The following CELSR3 variants were observed in gnomAD, a reference collection of about 807,000 sequenced individuals.
CELSR3 encodes EGF-like protein 1.
Under a neutral mutation model 270.0 loss-of-function variants are expected in CELSR3, and 73 were observed. The ratio of observed to expected loss-of-function variants is 0.27; its 90% CI spans 0.22 to 0.33. The LOEUF (loss-of-function observed/expected upper bound fraction) is 0.33. Ranked by LOEUF, CELSR3 falls within the 10% of genes least tolerant of loss-of-function variation. The probability of loss-of-function intolerance (pLI) is 1.00; values close to 1 mark genes in which losing one functional copy is unlikely to be tolerated. For synonymous variants in CELSR3, 1,780 were observed against 1,905.4 expected (o/e 0.93, Z 1.71); for missense variants, 3,614 against 4,533.8 (o/e 0.80, Z 5.83).
chr3:48,655,773 T>G lies in CELSR3; in HGVS notation c.4704A>C (p.Glu1568Asp). Residue 1568 changes from glutamate to aspartate, a missense_variant, in exon 4 of 35, where the codon GAA becomes GAC. By Grantham distance (45) the Glu-to-Asp change is conservative. This residue lies in a region of CELSR3 where 1,331 missense variants were observed against 1,933.7 expected (regional missense o/e 0.69). Transcript: ENST00000164024. The surrounding 1 kb of genome is among the most constrained non-coding windows in gnomAD (Gnocchi z 5.8). ...TGAGCCGCACTTGGCCAGCCACGAG[T>G]TCCAGGGCCAGGAAGTCGTGCTTCT... is the stretch of plus-strand genomic sequence containing the variant. The part of the protein sequence containing the change: ...LNEKHDFLAL[E>D]LVAGQVRLTY... 6.2e-7 allele frequency: 1 copy of G among 1,612,634 alleles called. No homozygotes were observed. The highest frequency in any genetic ancestry group is 8.5e-7 in the Non-Finnish European group (1 of 1,179,492).
chr3:48,638,684 C>T (rs1257948616), intron 34 of CELSR3, among the ~76,000 whole-genome samples: 2 of 152,038 alleles, frequency 1.3e-5, no homozygotes, highest in Non-Finnish European at 2.9e-5. Context: ...CTGCTCAGTC[C>T]CTAGTCTACC....
rs2047055661 is a variant in CELSR3 at position 48,644,094 on chromosome 3, T to A, written c.8165+122A>T. On this transcript the variant is annotated intron_variant, in intron 27 of 34. Transcript: ENST00000164024. This position sits in a 1 kb window ranked among gnomAD's most constrained non-coding sequence, Gnocchi z 4.8. ...GACCACAGGTCAGGGCAGGTGTGAC[T>A]TCATTCCTTCATCTAGAACTTGGAG... 3 of 777,498 alleles carry A rather than the reference T, an allele frequency of 3.9e-6. No individual in the cohort carries two copies. In the South Asian group the frequency reaches 5.1e-5, roughly 13 times the overall value. 48.2% of individuals were successfully genotyped at this position (777,498 alleles called of 1,614,324 possible).
In CELSR3 at chr3:48,643,677, C is replaced by A; in HGVS notation, c.8166G>T (p.Leu2722=). The A allele has an allele frequency of 1.3e-6, 2 of 1,552,402 alleles. No individual in the cohort carries two copies. Among genetic ancestry groups the A allele is most frequent in the South Asian group, 1.2e-5 (1 of 84,092 alleles). The change falls in exon 28 of 35, where the codon CTG becomes CTT. Residue 2722 remains leucine (L), a splice_region_variant and synonymous_variant. Coordinates refer to ENST00000164024, the MANE Select transcript of CELSR3 (RefSeq NM_001407.3). ...GCAGCAGGAAGGAGCTGCGAAGGGT[C>A]CTGCTGTGGGGACATGGGAAGACAC... The part of the protein sequence containing the change: ...GQREAKKTSA[L]TLRSSFLLLL...
In CELSR3 at chr3:48,659,047, T is replaced by C; in HGVS notation, c.3588A>G (p.Pro1196=). ...GGTCGGAGACATCGGGGTCATAAGCTGGGATGCGCCCAATAATGCCCGACG... is the reference window on the plus strand; with the variant it reads ...GGTCGGAGACATCGGGGTCATAAGCCGGGATGCGCCCAATAATGCCCGACG... The part of the protein sequence containing the change: ...TFPSGIIGRI[P]AYDPDVSDHL... Residue 1196 remains proline, a synonymous_variant, in exon 1 of 35, where the codon CCA becomes CCG. Transcript: ENST00000164024. This position sits in a 1 kb window ranked among gnomAD's most constrained non-coding sequence, Gnocchi z 8.1. 1 of 1,614,170 alleles carries C rather than the reference T, an allele frequency of 6.2e-7. No individual in the cohort carries two copies.
In CELSR3 at chr3:48,648,246, C is replaced by CCACCCCCCCCCCA; in HGVS notation, c.6973+19_6973+20insTGGGGGGGGGGTG. 2 of 1,418,304 alleles carry CCACCCCCCCCCCA rather than the reference C, an allele frequency of 1.4e-6. No homozygotes were observed. The highest frequency in any genetic ancestry group is 2.0e-6 in the Non-Finnish European group (2 of 1,009,196). The allele number at this position is 1,418,304 out of a possible 1,614,324, so 87.9% of individuals were successfully genotyped here. Reference sequence around the variant, plus strand: ...CATGGCCCCCCTGCTGTGCCCCGCCCTACCCCACCCACAACGCACTGATAT... The same window carrying CCACCCCCCCCCCA: ...CATGGCCCCCCTGCTGTGCCCCGCCCCACCCCCCCCCCATACCCCACCCACAACGCACTGATAT... On this transcript the variant is annotated intron_variant, in intron 19 of 34. Coordinates refer to ENST00000164024, the MANE Select transcript of CELSR3 (RefSeq NM_001407.3).
Position 48,640,076 on chromosome 3 carries a change from G to T in CELSR3, c.9509C>A (p.Pro3170Gln). The change falls in exon 34 of 35, where the codon CCA (proline) becomes CAA (glutamine). Residue 3170 changes from proline (P) to glutamine (Q), a missense_variant. Transcript: ENST00000164024. The surrounding 1 kb of genome is among the most constrained non-coding windows in gnomAD (Gnocchi z 7.5). ...CCGCTGGGGAGACAGGGGCAGAGGT[G>T]GGGGCTGTGGGTCAAGGTCCCGGGT... ...RRTRDLDPQP[P>Q]PLPLSPQRQL... The T allele has an allele frequency of 1.2e-6, 2 of 1,610,684 alleles. No individual in the cohort carries two copies. Among genetic ancestry groups the T allele is most frequent in the Non-Finnish European group, 1.7e-6 (2 of 1,179,728 alleles).
chr3:48,648,238 G>GGCCCCCCCCACCCC, intron 19 of CELSR3, 28 bp downstream of exon 19: 3 of 1,342,626 alleles, frequency 2.2e-6, no homozygotes, highest in Non-Finnish European at 3.2e-6. Context: ...CCCCTGCTGT[G>GGCCCCCCCCACCCC]CCCCGCCCTA....
chr3:48,646,167 G>A lies in CELSR3; in HGVS notation c.7386C>T (p.Pro2462=), dbSNP rs747733767. 4 of 1,612,710 alleles carry A rather than the reference G, an allele frequency of 2.5e-6. No individual in the cohort carries two copies. The highest frequency in any genetic ancestry group is 2.7e-5 in the African/African-American group (2 of 74,928). Residue 2462 remains proline (P), a synonymous_variant, in exon 22 of 35, where the codon CCC becomes CCT. Coordinates refer to ENST00000164024, the MANE Select transcript of CELSR3 (RefSeq NM_001407.3). The surrounding 1 kb of genome is among the most constrained non-coding windows in gnomAD (Gnocchi z 4.8). ...RNFLRGILES[P]ISLEFRLLQT... Reference sequence around the variant, plus strand: ...GTAGCAGGCGAAACTCTAGGCTGATGGGGGACTCCAGGATTCCCCTTAGGA... The same window carrying A: ...GTAGCAGGCGAAACTCTAGGCTGATAGGGGACTCCAGGATTCCCCTTAGGA...
chr3:48,651,162 T>C lies in CELSR3; in HGVS notation c.6187-87A>G. 6.8e-7 allele frequency: 1 copy of C among 1,468,480 alleles called. No homozygotes were observed. Among genetic ancestry groups the C allele is most frequent in the Non-Finnish European group, 9.2e-7 (1 of 1,082,336 alleles). 91.0% of individuals were successfully genotyped at this position (1,468,480 alleles called of 1,614,324 possible). On this transcript the variant is annotated intron_variant, in intron 14 of 34. Transcript: ENST00000164024. This position sits in a 1 kb window ranked among gnomAD's most constrained non-coding sequence, Gnocchi z 7.4. ...CAAGGATAAAGGGTCAAGAGAACAG[T>C]GCTCATGGGCCAGAGGACACCTGGG...
At position 48,662,566 on chromosome 3, in the gene CELSR3, GAGA is replaced by G. The variant is rs781169377; in HGVS notation, c.66_68del (p.Leu24del). 8 of 1,572,694 alleles carry G rather than the reference GAGA, an allele frequency of 5.1e-6. No homozygotes were observed. Among genetic ancestry groups the G allele is most frequent in the East Asian group, 4.5e-5 (2 of 44,494 alleles). ...CCTGGCTGAGGGGGAACAAAGAGAGGAGAAGGAGCAGGAGTATGGGGGTCGACC... is the reference window on the plus strand; with the variant it reads ...CCTGGCTGAGGGGGAACAAAGAGAGGAGGAGCAGGAGTATGGGGGTCGACC... On this transcript the variant is annotated inframe_deletion, in exon 1 of 35. Transcript: ENST00000164024. The surrounding 1 kb of genome is among the most constrained non-coding windows in gnomAD (Gnocchi z 7.1).
At position 48,655,965 on chromosome 3, in the gene CELSR3, G is replaced by A. The variant is rs1052193236; in HGVS notation, c.4626-114C>T. Reference sequence around the variant, plus strand: ...TGGGGCGAGAGAGGAAGCGACGAGGGACGGCGGGACCGACCGGGGGGACGC... The same window carrying A: ...TGGGGCGAGAGAGGAAGCGACGAGGAACGGCGGGACCGACCGGGGGGACGC... On this transcript the variant is annotated intron_variant, in intron 3 of 34. Transcript: ENST00000164024. The surrounding 1 kb of genome is among the most constrained non-coding windows in gnomAD (Gnocchi z 5.8). The A allele has an allele frequency of 8.7e-7, 1 of 1,142,892 alleles. No homozygotes were observed. The highest frequency in any genetic ancestry group is 1.3e-6 in the Non-Finnish European group (1 of 790,238). The allele number at this position is 1,142,892 out of a possible 1,614,324, so 70.8% of individuals were successfully genotyped here.
rs777640245 is a variant in CELSR3 at position 48,657,015 on chromosome 3, G to C, written c.4082C>G (p.Ala1361Gly). ...GAGCAGGGAGCGAGCCGCCAGCGCC[G>C]CCCGGCGCACGTACAACTGCTCCTG... ...ELQEQLYVRR[A>G]ALAARSLLDV... Residue 1361 changes from alanine (A) to glycine (G), a missense_variant, in exon 2 of 35, where the codon GCG becomes GGG. Physicochemically the swap from Ala to Gly is moderately conservative, Grantham distance 60. Around this residue, in one of 7 missense-constraint regions of CELSR3, gnomAD observed 1,331 missense variants for 1,933.7 expected, o/e 0.69. Transcript: ENST00000164024. The surrounding 1 kb of genome is among the most constrained non-coding windows in gnomAD (Gnocchi z 5.4). The C allele has an allele frequency of 1.9e-6, 3 of 1,613,198 alleles. No homozygotes were observed. In the African/African-American group the frequency reaches 4.0e-5, roughly 22 times the overall value.
Position 48,644,100 on chromosome 3 carries a change from C to T in CELSR3, c.8165+116G>A. Reference sequence around the variant, plus strand: ...AGGTCAGGGCAGGTGTGACTTCATTCCTTCATCTAGAACTTGGAGCCCAAC... The same window carrying T: ...AGGTCAGGGCAGGTGTGACTTCATTTCTTCATCTAGAACTTGGAGCCCAAC... On this transcript the variant is annotated intron_variant, in intron 27 of 34. Coordinates refer to ENST00000164024, the MANE Select transcript of CELSR3 (RefSeq NM_001407.3). The surrounding 1 kb of genome is among the most constrained non-coding windows in gnomAD (Gnocchi z 4.8). 1.2e-6 allele frequency: 1 copy of T among 813,662 alleles called. No individual in the cohort carries two copies. The highest frequency in any genetic ancestry group is 2.6e-5 in the East Asian group (1 of 39,168). The allele number at this position is 813,662 out of a possible 1,614,324, so 50.4% of individuals were successfully genotyped here.
chr3:48,649,167 T>A lies in CELSR3; in HGVS notation c.6521A>T (p.Asp2174Val). 6.2e-7 allele frequency: 1 copy of A among 1,612,098 alleles called. No homozygotes were observed. The highest frequency in any genetic ancestry group is 1.1e-5 in the South Asian group (1 of 90,752). The change falls in exon 17 of 35, where the codon GAC (aspartate) becomes GTC (valine). Residue 2174 changes from aspartate (D) to valine (V), a missense_variant. Transcript: ENST00000164024. ...CDEAQGWLEP[D>V]LFNCTSPAFR... ...GGCAGGGGAGGTACAGTTGAAGAGGTCGGGCTCCAGCCAACCCTGGGCCTC... is the reference window on the plus strand; with the variant it reads ...GGCAGGGGAGGTACAGTTGAAGAGGACGGGCTCCAGCCAACCCTGGGCCTC...
Position 48,661,497 on chromosome 3 carries a change from G to A in CELSR3, c.1138C>T (p.Pro380Ser), listed in dbSNP as rs200621704. 207 of 1,603,254 alleles carry A rather than the reference G, an allele frequency of 1.3e-4. No individual in the cohort carries two copies. Among genetic ancestry groups the A allele is most frequent in the Non-Finnish European group, 1.5e-4 (180 of 1,174,950 alleles). ...SRSLELFSID[P>S]QSGLIRTAAA... ...GCCGTACGGATAAGGCCGCTCTGCG[G>A]GTCGATGCTGAACAGCTCCAGCGAG... The change falls in exon 1 of 35, where the codon CCG becomes TCG. Residue 380 changes from proline to serine, a missense_variant. Around this residue, in one of 7 missense-constraint regions of CELSR3, gnomAD observed 354 missense variants for 500.9 expected, o/e 0.71. Transcript: ENST00000164024.
rs1438045456 is a variant in CELSR3 at position 48,656,800 on chromosome 3, C to T, written c.4297G>A (p.Glu1433Lys). The change falls in exon 2 of 35, where the codon GAG (glutamate) becomes AAG (lysine). Residue 1433 changes from glutamate to lysine, a missense_variant. By Grantham distance (56) the Glu-to-Lys change is moderately conservative (BLOSUM62 1). This residue lies in a region of CELSR3 where 1,331 missense variants were observed against 1,933.7 expected (regional missense o/e 0.69). Transcript: ENST00000164024. ...CPPGFTGDFC[E>K]TELDLCYSNP... ...GAGTAGCAGAGGTCGAGCTCGGTCT[C>T]GCAAAAGTCTCCCGTGAATCCGGGC... 6.2e-7 allele frequency: 1 copy of T among 1,603,884 alleles called. No homozygotes were observed. Among genetic ancestry groups the T allele is most frequent in the Non-Finnish European group, 8.5e-7 (1 of 1,174,840 alleles).
Position 48,644,917 on chromosome 3 carries a change from G to C in CELSR3, c.7973-89C>G. ...GGGAGAAAGCATGGGTGAGGGCAGA[G>C]CAGCAACCCCATGAATAGATGGCTT... is the stretch of plus-strand genomic sequence containing the variant. On this transcript the variant is annotated intron_variant, in intron 25 of 34. Transcript: ENST00000164024. The surrounding 1 kb of genome is among the most constrained non-coding windows in gnomAD (Gnocchi z 4.8). 1 of 1,515,356 alleles carries C rather than the reference G, an allele frequency of 6.6e-7. No homozygotes were observed. The highest frequency in any genetic ancestry group is 9.1e-7 in the Non-Finnish European group (1 of 1,102,938). The allele number at this position is 1,515,356 out of a possible 1,614,324, so 93.9% of individuals were successfully genotyped here.
At position 48,640,031 on chromosome 3, in the gene CELSR3, A is replaced by T. The variant is rs753268601; in HGVS notation, c.9554T>A (p.Leu3185His). The change falls in exon 34 of 35, where the codon CTC becomes CAC. Residue 3185 changes from leucine to histidine, a missense_variant. By Grantham distance (99) the Leu-to-His change is moderately conservative. Transcript: ENST00000164024. The surrounding 1 kb of genome is among the most constrained non-coding windows in gnomAD (Gnocchi z 7.5). ...SPQRQLSRDP[L>H]LPSRPLDSLS... Reference sequence around the variant, plus strand: ...AGAGTCCAGCGGCCGGGATGGCAAGAGGGGGTCCCTTGAGAGTTGCCGCTG... The same window carrying T: ...AGAGTCCAGCGGCCGGGATGGCAAGTGGGGGTCCCTTGAGAGTTGCCGCTG... The T allele has an allele frequency of 6.2e-7, 1 of 1,611,414 alleles. No individual in the cohort carries two copies. The highest frequency in any genetic ancestry group is 8.5e-7 in the Non-Finnish European group (1 of 1,179,766).
At position 48,654,688 on chromosome 3, in the gene CELSR3, A is replaced by C. The variant is rs546054925; in HGVS notation, c.4989-236T>G. ...AATGGGGGTTGAGAGCTATGATGAA[A>C]GAATGAGGCATCTGGCTGGCTGGGG... On this transcript the variant is annotated intron_variant, in intron 6 of 34. Coordinates refer to ENST00000164024, the MANE Select transcript of CELSR3 (RefSeq NM_001407.3). The surrounding 1 kb of genome is among the most constrained non-coding windows in gnomAD (Gnocchi z 5.4). 1.8e-4 allele frequency among the ~76,000 whole-genome samples: 27 copies of C among 152,182 alleles called. 1 individual carries two copies. The East Asian group carries it at 5.0e-3, about 28-fold the overall frequency.
Sources: allele counts gnomAD v4.1 joint callset (sites outside exome capture counted in the v4.1 genomes callset), GRCh38; gene constraint gnomAD v4.1.1; regional missense constraint gnomAD v4.1.1; non-coding constraint Gnocchi (gnomAD v3.1); transcripts MANE v1.5; gene names NCBI Gene and HGNC (gene_info 2026-07-23, HGNC 2026-07-21).